The following PDE4D variants were observed in gnomAD, a reference collection of about 807,000 sequenced individuals.
PDE4D encodes phosphodiesterase 4D, also known as 3',5'-cyclic-AMP phosphodiesterase 4D.
PDE4D carries 24 observed loss-of-function variants against 87.4 expected under a neutral mutation model. The ratio of observed to expected loss-of-function variants is 0.27; its 90% CI spans 0.20 to 0.39. PDE4D has a LOEUF of 0.39. PDE4D is among the 10% of genes least tolerant of loss of function. The pLI is 1.00. For missense variants in PDE4D, 714 were observed against 1,041.0 expected (o/e 0.69, Z 4.32); for synonymous variants, 384 against 383.2 (o/e 1.00, Z -0.02).
intron 1 of PDE4D, among the ~76,000 whole-genome samples, chr5:59,340,022 C>A (rs192414286): frequency 3.6e-4 from 54 of 151,164 alleles, no homozygotes; most frequent in Admixed American, 9.2e-4. Flanking sequence ...GTCTTCTCAC[C>A]CTCTCTGGAA....
At chr5:59,368,438 T>G (rs1783431237) in intron 1 of PDE4D, among the ~76,000 whole-genome samples, 1 of 152,184 alleles carries the variant, frequency 6.6e-6, no homozygotes, top group Non-Finnish European at 1.5e-5. Context: ...GAAAATGCAT[T>G]AGGCACCTGA....
chr5:59,068,969 G>C (rs1201669407), intron 5 of PDE4D, among the ~76,000 whole-genome samples: 1 of 152,194 alleles, frequency 6.6e-6, no homozygotes, highest in Non-Finnish European at 1.5e-5. Flanking sequence ...ACTTGACCTG[G>C]AAGAGTAAGT....
intron 1 of PDE4D, among the ~76,000 whole-genome samples, chr5:59,831,129 T>G (rs1741134464): frequency 6.6e-6 from 1 of 152,096 alleles, no homozygotes; most frequent in Non-Finnish European, 1.5e-5. Flanking sequence ...ATCTATTTTT[T>G]AAGAGATTGG....
chr5:60,442,060 C>T (rs1394504977), intron 1 of PDE4D, among the ~76,000 whole-genome samples: 1 of 152,058 alleles, frequency 6.6e-6, no homozygotes, highest in African/African-American at 2.4e-5. Flanking sequence ...GAACCAGATA[C>T]ACCATTTGAC....
chr5:59,281,116 A>G (rs1465363601), intron 1 of PDE4D, among the ~76,000 whole-genome samples: 2 of 152,162 alleles, frequency 1.3e-5, no homozygotes, highest in Admixed American at 6.6e-5. Flanking sequence ...GGAGAAGTGT[A>G]TATAATATAC....
At chr5:59,418,712 G>A (rs762246820) in intron 1 of PDE4D, among the ~76,000 whole-genome samples, 50 of 152,036 alleles carry the variant, frequency 3.3e-4, no homozygotes, top group Non-Finnish European at 5.7e-4. Flanking sequence ...GCAGTGGCAC[G>A]ATCTCAGCTC....
intron 2 of PDE4D, among the ~76,000 whole-genome samples, chr5:60,099,952 T>C (rs1010603330): frequency 1.3e-5 from 2 of 151,954 alleles, no homozygotes; most frequent in Non-Finnish European, 1.5e-5. Context: ...ACATTGTTTT[T>C]CACAGCAAAA....
In PDE4D at chr5:58,999,570, T is replaced by G. The variant is rs781118862; in HGVS notation, c.922-6105A>C. On this transcript the variant is annotated intron_variant, in intron 6 of 14. Coordinates refer to ENST00000340635, the MANE Select transcript of PDE4D (RefSeq NM_001104631.2). ...GATTATATGTATATATATATATATG[T>G]ATATATATAGTAAGCTCTAAAATGT... 32 of 1,182,570 alleles carry G rather than the reference T, an allele frequency of 2.7e-5. 2 individuals carry two copies. The African/African-American group carries it at 4.0e-4, about 15-fold the overall frequency. 73.3% of individuals were successfully genotyped at this position (1,182,570 alleles called of 1,614,324 possible).
chr5:60,368,755 A>C (rs1347188942), intron 1 of PDE4D, among the ~76,000 whole-genome samples: 1 of 151,988 alleles, frequency 6.6e-6, no homozygotes, highest in African/African-American at 2.4e-5. Context: ...TTGGTTGTTG[A>C]AAGTGTGTAC....
At chr5:59,337,736 G>A (rs142583259) in intron 1 of PDE4D, among the ~76,000 whole-genome samples, 2 of 152,208 alleles carry the variant, frequency 1.3e-5, no homozygotes, top group East Asian at 3.9e-4. Context: ...GAACTCAATA[G>A]GACCAGAACA....
chr5:59,372,594 T>C (rs531938792), intron 1 of PDE4D, among the ~76,000 whole-genome samples: 1 of 152,192 alleles, frequency 6.6e-6, no homozygotes, highest in Non-Finnish European at 1.5e-5. Context: ...CTATCACTCC[T>C]GCTTGTGGGG....
intron 1 of PDE4D, among the ~76,000 whole-genome samples, chr5:59,442,874 T>G (rs1457111): frequency 0.98 from 149,249 of 152,316 alleles, 73,155 homozygotes; most frequent in Middle Eastern, 1. Flanking sequence ...ACCGAATTAG[T>G]TGTTGGTAGA....
At chr5:60,416,740 A>G (rs1410094981) in intron 1 of PDE4D, among the ~76,000 whole-genome samples, 1 of 151,982 alleles carries the variant, frequency 6.6e-6, no homozygotes, top group Non-Finnish European at 1.5e-5. Context: ...ACTATCATAC[A>G]CTCTTCCTTC....
chr5:59,873,275 C>T (rs1748091651), intron 1 of PDE4D, among the ~76,000 whole-genome samples: 1 of 152,202 alleles, frequency 6.6e-6, no homozygotes, highest in Non-Finnish European at 1.5e-5. Context: ...AGGGATGACA[C>T]AGTCAGGGGG....
At chr5:59,290,229 G>C (rs1767758160) in intron 1 of PDE4D, among the ~76,000 whole-genome samples, 1 of 151,712 alleles carries the variant, frequency 6.6e-6, no homozygotes, top group African/African-American at 2.4e-5. Context: ...CGAGCAAAAA[G>C]AACAAAACTG....
rs187851184 is a variant in PDE4D, at chr5:59,373,232, T to C, written c.456-157264A>G. ...AAAATATGGATTGGAATGAAGATCA[T>C]TGAAGTACAGGAGTATGTTGAAACC... On this transcript the variant is annotated intron_variant, in intron 1 of 14. Transcript: ENST00000340635. 2.2e-4 allele frequency among the ~76,000 whole-genome samples: 33 copies of C among 152,254 alleles called. 1 individual carries two copies. Among genetic ancestry groups the C allele is most frequent in the East Asian group, 1.2e-3 (6 of 5,172 alleles).
chr5:60,244,198 T>G (rs189184099), intron 1 of PDE4D, among the ~76,000 whole-genome samples: 200 of 152,038 alleles, frequency 1.3e-3, no homozygotes, highest in African/African-American at 4.6e-3. Flanking sequence ...AGTAGTACCA[T>G]TTATGATAGC....
chr5:60,473,966 C>A (rs1228394572), intron 1 of PDE4D, among the ~76,000 whole-genome samples: 1 of 150,144 alleles, frequency 6.7e-6, no homozygotes, highest in East Asian at 2.0e-4. Context: ...GCATCAGTCA[C>A]ATCCTTGCCT....
intron 1 of PDE4D, among the ~76,000 whole-genome samples, chr5:60,297,474 A>G (rs1490420374): frequency 6.6e-6 from 1 of 152,218 alleles, no homozygotes; most frequent in African/African-American, 2.4e-5. Flanking sequence ...AAGCATTTAC[A>G]TGGAATTCAA....
Sources: gnomAD v4.1 joint callset for allele counts (sites outside exome capture counted in the v4.1 genomes callset) on GRCh38, gnomAD v4.1.1 for gene constraint, MANE v1.5 for transcripts, NCBI Gene and HGNC (gene_info 2026-07-23, HGNC 2026-07-21) for gene names.